Variants in RASSF8 observed in about 807,000 individuals in gnomAD.
RASSF8 encodes the protein Ras association domain family member 8.
Under a neutral mutation model 48.5 loss-of-function variants are expected in RASSF8, and 22 were observed. The observed-to-expected ratio is 0.45, with a 90% CI of 0.32 to 0.65. The LOEUF (loss-of-function observed/expected upper bound fraction) is 0.65. RASSF8 is among the 30% of genes least tolerant of loss of function. The pLI is 0.03. For synonymous variants in RASSF8, 127 were observed against 171.5 expected (o/e 0.74, Z 2.03); for missense variants, 418 against 489.2 (o/e 0.85, Z 1.37).
Position 26,070,058 on chromosome 12 carries a change from TAGAC to T in RASSF8, c.*1244_*1247del. ...TTAACTAAGATTTACAAGTAATATT[TAGAC>T]AGATTCAGTCAGACACCACTTAGCC... On this transcript the variant is annotated 3_prime_UTR_variant, in exon 6 of 6. Coordinates refer to ENST00000689635, the MANE Select transcript of RASSF8 (RefSeq NM_001394098.1). 1.0e-6 allele frequency: 1 copy of T among 983,646 alleles called. No individual in the cohort carries two copies. Among genetic ancestry groups the T allele is most frequent in the South Asian group, 4.7e-5 (1 of 21,258 alleles). The allele number at this position is 983,646 out of a possible 1,614,324, so 60.9% of individuals were successfully genotyped here.
In RASSF8 at chr12:26,065,241, GAGGCAC is replaced by G; in HGVS notation, c.851_856del (p.Ala284_Gln285del). 1 of 1,614,182 alleles carries G rather than the reference GAGGCAC, an allele frequency of 6.2e-7. No individual in the cohort carries two copies. Among genetic ancestry groups the G allele is most frequent in the South Asian group, 1.1e-5 (1 of 91,074 alleles). On this transcript the variant is annotated inframe_deletion, in exon 4 of 6. Transcript: ENST00000689635. Reference sequence around the variant, plus strand: ...AGAAAAATTGCAACGGGAAGTTCAAGAGGCACAGGTCAATGAGGAAGAGGTTAAAGG... The same window carrying G: ...AGAAAAATTGCAACGGGAAGTTCAAGAGGTCAATGAGGAAGAGGTTAAAGG...
At chr12:26,020,586 C>T (rs1035804594) in intron 2 of RASSF8, 3 of 151,890 alleles carry the variant, frequency 2.0e-5, no homozygotes, top group Non-Finnish European at 4.4e-5. Context: ...ATGAGCTGAG[C>T]TATCTGCTGT....
chr12:26,033,027 G>A (rs1285738293), intron 2 of RASSF8, among the ~76,000 whole-genome samples: 1 of 152,166 alleles, frequency 6.6e-6, no homozygotes, highest in Non-Finnish European at 1.5e-5. Context: ...TTTCAAGCAG[G>A]CCTGTCTTCT....
In RASSF8 at chr12:26,039,130, T is replaced by C. The variant is rs1403414235; in HGVS notation, c.-108-16106T>C. Among the ~76,000 whole-genome samples, 4 of 152,226 alleles carry C rather than the reference T, an allele frequency of 2.6e-5. No individual in the cohort carries two copies. In the South Asian group the frequency reaches 8.3e-4, roughly 32 times the overall value. Reference sequence around the variant, plus strand: ...AGTTTCATTGGGGATCCTACTCCTATGAAATTTGGCATACTGCTCAGGTCA... The same window carrying C: ...AGTTTCATTGGGGATCCTACTCCTACGAAATTTGGCATACTGCTCAGGTCA... On this transcript the variant is annotated intron_variant, in intron 2 of 5. Transcript: ENST00000689635.
chr12:25,966,344 C>T (rs994209103), intron 1 of RASSF8, among the ~76,000 whole-genome samples: 2 of 152,158 alleles, frequency 1.3e-5, no homozygotes, highest in Non-Finnish European at 2.9e-5. Context: ...GCTAGGACCA[C>T]ACACATGTGC....
In RASSF8 at chr12:26,029,767, A is replaced by T. The variant is rs142400267; in HGVS notation, c.-108-25469A>T. Among the ~76,000 whole-genome samples, 528 of 152,266 alleles carry T rather than the reference A, an allele frequency of 3.5e-3. 1 individual carries two copies. Among genetic ancestry groups the T allele is most frequent in the Non-Finnish European group, 4.0e-3 (275 of 68,004 alleles). On this transcript the variant is annotated intron_variant, in intron 2 of 5. Transcript: ENST00000689635. ...ATTATTATAACAGAAAAACAGTTTT[A>T]CCCACTGGTTAAAGGAAAAAAAAAT...
chr12:26,070,842 A>G lies in RASSF8; in HGVS notation c.*2024A>G, dbSNP rs1943984143. 1 of 983,696 alleles carries G rather than the reference A, an allele frequency of 1.0e-6. No individual in the cohort carries two copies. Among genetic ancestry groups the G allele is most frequent in the East Asian group, 1.1e-4 (1 of 8,824 alleles). The allele number at this position is 983,696 out of a possible 1,614,324, so 60.9% of individuals were successfully genotyped here. A position where few individuals can be genotyped will look rare whatever the true frequency, so the allele number is the denominator to read the frequency against. ...TAAACTTTGCAATTAGGAGTTTCAG[A>G]GATGCCTTGGCATACCACGAAAAAC... On this transcript the variant is annotated 3_prime_UTR_variant, in exon 6 of 6. Transcript: ENST00000689635.
chr12:26,062,506 T>C (rs1355307678), intron 3 of RASSF8, among the ~76,000 whole-genome samples: 1 of 152,236 alleles, frequency 6.6e-6, no homozygotes, highest in African/African-American at 2.4e-5. Flanking sequence ...ATACTACTCT[T>C]ATCCCACAGA....
intron 1 of RASSF8, among the ~76,000 whole-genome samples, chr12:25,979,830 T>A (rs1372425881): frequency 5.4e-5 from 8 of 148,944 alleles, no homozygotes; most frequent in Non-Finnish European, 1.2e-4. Context: ...ACAATACCCT[T>A]GAGCAATTTT....
chr12:26,023,756 T>G (rs1347287979), intron 2 of RASSF8, among the ~76,000 whole-genome samples: 2 of 152,190 alleles, frequency 1.3e-5, no homozygotes, highest in East Asian at 3.8e-4. Flanking sequence ...TTTATTCTAG[T>G]AACTGATTTT....
intron 1 of RASSF8, among the ~76,000 whole-genome samples, chr12:25,970,366 G>C (rs1175765259): frequency 6.6e-6 from 1 of 152,076 alleles, no homozygotes; most frequent in Non-Finnish European, 1.5e-5. Flanking sequence ...TTCCTGCCGG[G>C]ATTTGTGGGA....
intron 2 of RASSF8, among the ~76,000 whole-genome samples, chr12:26,048,411 A>G (rs1943418263): frequency 6.6e-6 from 1 of 152,060 alleles, no homozygotes; most frequent in African/African-American, 2.4e-5. Context: ...GGTAGAGAGG[A>G]GGGGGAAAAA....
intron 3 of RASSF8, among the ~76,000 whole-genome samples, chr12:26,060,118 C>T (rs1943706813): frequency 6.6e-6 from 1 of 152,148 alleles, no homozygotes; most frequent in Admixed American, 6.5e-5. Context: ...AGGATGGTCT[C>T]GATCTCCTGA....
intron 1 of RASSF8, among the ~76,000 whole-genome samples, chr12:25,987,877 A>G (rs1418705194): frequency 6.6e-6 from 1 of 151,734 alleles, no homozygotes; most frequent in Non-Finnish European, 1.5e-5. Flanking sequence ...TTCGAAATGG[A>G]ATCTCACTCT....
chr12:26,001,233 C>G (rs1942251256), intron 2 of RASSF8, among the ~76,000 whole-genome samples: 1 of 147,472 alleles, frequency 6.8e-6, no homozygotes, highest in African/African-American at 2.5e-5. Flanking sequence ...CAAGGTCTCA[C>G]TATGTTGCCC....
At chr12:26,067,825 G>A (rs534622042) in intron 5 of RASSF8, 112 bp downstream of exon 5, 2 of 1,367,738 alleles carry the variant, frequency 1.5e-6, no homozygotes, top group South Asian at 1.4e-5. Context: ...AATGCCAGGG[G>A]TATTACCACG....
chr12:26,037,562 G>A (rs1288877800), intron 2 of RASSF8, among the ~76,000 whole-genome samples: 1 of 152,052 alleles, frequency 6.6e-6, no homozygotes, highest in Non-Finnish European at 1.5e-5. Flanking sequence ...TTACCAAATT[G>A]TGTTTAGTTA....
chr12:26,035,535 T>A (rs894294090), intron 2 of RASSF8, among the ~76,000 whole-genome samples: 1 of 133,512 alleles, frequency 7.5e-6, no homozygotes, highest in Non-Finnish European at 1.6e-5. Flanking sequence ...AAATTATATA[T>A]AAAAATTATA....
At chr12:25,976,544 G>A (rs1470250186) in intron 1 of RASSF8, among the ~76,000 whole-genome samples, 3 of 152,146 alleles carry the variant, frequency 2.0e-5, no homozygotes, top group Non-Finnish European at 4.4e-5. Flanking sequence ...CTACCACTTC[G>A]GTTACATGAG....
Sources: allele counts gnomAD v4.1 joint callset (sites outside exome capture counted in the v4.1 genomes callset), GRCh38; gene constraint gnomAD v4.1.1; transcripts MANE v1.5; gene names NCBI Gene and HGNC (gene_info 2026-07-23, HGNC 2026-07-21).